SNRPN: variants seen among roughly 807,000 people sequenced by gnomAD.
SNRPN encodes the protein small nuclear ribonucleoprotein-associated protein N.
Under a neutral mutation model 25.2 loss-of-function variants are expected in SNRPN, and 7 were observed. The ratio of observed to expected loss-of-function variants is 0.28; its 90% confidence interval spans 0.16 to 0.52. The LOEUF (loss-of-function observed/expected upper bound fraction) is 0.52. SNRPN is among the 20% of genes least tolerant of loss of function. The pLI, the probability that SNRPN is intolerant of heterozygous loss-of-function variation, is 0.96. For missense variants in SNRPN, 196 were observed against 322.5 expected (o/e 0.61, Z 3.00); for synonymous variants, 124 against 110.6 (o/e 1.12, Z -0.76).
At chr15:24,838,681 T>C (rs1015006570) in intron 2 of SNRPN, among the ~76,000 whole-genome samples, 4 of 152,074 alleles carry the variant, frequency 2.6e-5, no homozygotes, top group African/African-American at 7.3e-5. Flanking sequence ...AAAGCACTTG[T>C]TATAGATCTA....
intron 1 of SNRPN, among the ~76,000 whole-genome samples, 162 bp downstream of exon 1, chr15:24,955,224 G>C (rs2062640709): frequency 6.6e-6 from 1 of 152,164 alleles, no homozygotes; most frequent in Non-Finnish European, 1.5e-5. Context: ...TCAGAGGCTT[G>C]CTGTTGTGCC....
chr15:24,892,335 C>T lies in SNRPN; in HGVS notation c.-505+5746C>T, dbSNP rs117436816. On this transcript the variant is annotated intron_variant, in intron 2 of 11. Transcript: ENST00000400097. ...GGAGAAGGTAGGAGTTTGAAGGGATCATATCCAGGACTCAAAGGAACTGAA... is the reference window on the plus strand; with the variant it reads ...GGAGAAGGTAGGAGTTTGAAGGGATTATATCCAGGACTCAAAGGAACTGAA... Among the ~76,000 whole-genome samples, 161 of 152,166 alleles carry T rather than the reference C, an allele frequency of 1.1e-3. No homozygotes were observed. The East Asian group carries it at 0.021, about 20-fold the overall frequency.
intron 2 of SNRPN, among the ~76,000 whole-genome samples, chr15:24,918,594 ATGTATATATATAACATAATATATATG>A (rs766350570): frequency 0.028 from 1,817 of 64,132 alleles, 271 homozygotes; most frequent in South Asian, 0.082. Flanking sequence ...CATAATATAT[ATGTATATATATAACATAATATATATG>A]TGTGTATATA....
Position 24,962,113 on chromosome 15 carries a change from G to A in SNRPN, c.-390-1G>A. On this transcript the variant is annotated splice_acceptor_variant, in intron 1 of 9. Coordinates refer to ENST00000390687, the MANE Select transcript of SNRPN (RefSeq NM_003097.6). LOFTEE classifies it low-confidence loss of function (5UTR_SPLICE). Reference sequence around the variant, plus strand: ...ACAAATGCCTCTCTTTTCTGTTTCAGGGATCGCTTACACCTGAGACGAACT... The same window carrying A: ...ACAAATGCCTCTCTTTTCTGTTTCAAGGATCGCTTACACCTGAGACGAACT... 1 of 1,613,858 alleles carries A rather than the reference G, an allele frequency of 6.2e-7. No homozygotes were observed. The highest frequency in any genetic ancestry group is 8.5e-7 in the Non-Finnish European group (1 of 1,179,842).
intron 1 of SNRPN, among the ~76,000 whole-genome samples, chr15:24,960,768 G>A: frequency 6.6e-6 from 1 of 152,074 alleles, no homozygotes; most frequent in East Asian, 1.9e-4. Context: ...TACATATTCT[G>A]GATACCAAAC....
upstream of SNRPN, among the ~76,000 whole-genome samples, chr15:24,950,437 A>G (rs938168265): frequency 5.3e-5 from 8 of 151,974 alleles, no homozygotes; most frequent in East Asian, 1.5e-3. Context: ...AGCCTCCTAA[A>G]GTGCTGGGAT....
In SNRPN at chr15:24,978,625, GATCTT is replaced by G. The variant is rs1463197630; in HGVS notation, c.*183_*187del. 3 of 638,618 alleles carry G rather than the reference GATCTT, an allele frequency of 4.7e-6. No individual in the cohort carries two copies. Among genetic ancestry groups the G allele is most frequent in the Non-Finnish European group, 8.3e-6 (3 of 363,328 alleles). 39.6% of individuals were successfully genotyped at this position (638,618 alleles called of 1,614,324 possible). A position where few individuals can be genotyped will look rare whatever the true frequency, so the allele number is the denominator to read the frequency against. On this transcript the variant is annotated 3_prime_UTR_variant, in exon 10 of 10. Transcript: ENST00000390687. ...TTTTTTTGCCTGTTGATTTTGATGA[GATCTT>G]AAGTTACTGTGGATGAGGGTGATGC...
intron 2 of SNRPN, among the ~76,000 whole-genome samples, chr15:24,888,033 A>G (rs1312731518): frequency 1.3e-5 from 2 of 152,188 alleles, no homozygotes; most frequent in African/African-American, 2.4e-5. Context: ...TGAACTGTAC[A>G]CTTAAAATGG....
intron 3 of SNRPN, among the ~76,000 whole-genome samples, chr15:24,933,268 A>G (rs1397726431): frequency 6.6e-6 from 1 of 152,144 alleles, no homozygotes; most frequent in Non-Finnish European, 1.5e-5. Context: ...TCAAAAAAAC[A>G]AAAAGAAAAG....
intron 3 of SNRPN, among the ~76,000 whole-genome samples, chr15:24,973,169 G>A (rs377489338): frequency 6.6e-6 from 1 of 152,116 alleles, no homozygotes; most frequent in Non-Finnish European, 1.5e-5. Flanking sequence ...GATTATGGGC[G>A]TGAGCCACCA....
intron 2 of SNRPN, chr15:24,849,867 A>G (rs28558790): frequency 6.6e-6 from 1 of 152,232 alleles, no homozygotes; most frequent in Non-Finnish European, 1.5e-5. Context: ...TATTGAAAAA[A>G]TCCTCGTAAA....
At chr15:24,896,720 A>AC (rs1419700631) in intron 2 of SNRPN, among the ~76,000 whole-genome samples, 1 of 152,098 alleles carries the variant, frequency 6.6e-6, no homozygotes, top group African/African-American at 2.4e-5. Flanking sequence ...TCTAAAAAAA[A>AC]AATGGCTCCT....
At chr15:24,838,148 C>T (rs2142808765) in intron 2 of SNRPN, among the ~76,000 whole-genome samples, 3 of 152,048 alleles carry the variant, frequency 2.0e-5, no homozygotes, top group South Asian at 2.1e-4. Flanking sequence ...GATTCTCCAG[C>T]CTCAGCCTCC....
chr15:24,876,878 G>A (rs2149255284), intron 1 of SNRPN, among the ~76,000 whole-genome samples: 1 of 152,274 alleles, frequency 6.6e-6, no homozygotes, highest in Non-Finnish European at 1.5e-5. Flanking sequence ...AAGGAGAGCA[G>A]CAATTTCAGT....
At chr15:24,950,774 C>G (rs547239578), upstream of SNRPN, among the ~76,000 whole-genome samples, 1 of 151,752 alleles carries the variant, frequency 6.6e-6, no homozygotes, top group East Asian at 1.9e-4. Flanking sequence ...TCTCGAACTC[C>G]TGGATTCAAG....
At chr15:24,860,161 G>C (rs1298374618) in intron 1 of SNRPN, among the ~76,000 whole-genome samples, 1 of 152,040 alleles carries the variant, frequency 6.6e-6, no homozygotes, top group Non-Finnish European at 1.5e-5. Context: ...TGCAATCAGG[G>C]GCTCTGGATT....
rs908415690 is a variant in SNRPN at position 24,929,766 on chromosome 15, T to C, written c.-391+9642T>C. Among the ~76,000 whole-genome samples the C allele has an allele frequency of 2.0e-5, 3 of 152,202 alleles. No homozygotes were observed. The highest frequency in any genetic ancestry group is 4.4e-5 in the Non-Finnish European group (3 of 68,034). On this transcript the variant is annotated intron_variant, in intron 3 of 11. Coordinates refer to the SNRPN transcript ENST00000400097. This position sits in a 1 kb window ranked among gnomAD's most constrained non-coding sequence, Gnocchi z 5.3. Reference sequence around the variant, plus strand: ...CATGAGAGCAGGGTCCATGTGATGATTTTTCTGTCAGTATCAGTTTCTGCA... The same window carrying C: ...CATGAGAGCAGGGTCCATGTGATGACTTTTCTGTCAGTATCAGTTTCTGCA...
At chr15:24,836,418 A>AT (rs36035592) in intron 2 of SNRPN, among the ~76,000 whole-genome samples, 23,619 of 149,836 alleles carry the variant, frequency 0.16, 1,970 homozygotes, top group Non-Finnish European at 0.18. Context: ...ATGCAAATGC[A>AT]TTTTTTTTTT....
At chr15:24,840,501 C>G (rs11635726) in intron 2 of SNRPN, among the ~76,000 whole-genome samples, 12,286 of 152,268 alleles carry the variant, frequency 0.081, 674 homozygotes, top group Middle Eastern at 0.16. Context: ...TTGCACACAA[C>G]TGTGATTTCA....
Sources: gnomAD v4.1 joint callset for allele counts (sites outside exome capture counted in the v4.1 genomes callset) on GRCh38, gnomAD v4.1.1 for gene constraint, Gnocchi (gnomAD v3.1) non-coding constraint, MANE v1.5 for transcripts, NCBI Gene and HGNC (gene_info 2026-07-23, HGNC 2026-07-21) for gene names.